Variants in ZNF248 observed in about 807,000 individuals in gnomAD.
The protein encoded by ZNF248 is zinc finger protein 248, also known as KRAB protein domain.
In ZNF248, 20 loss-of-function variants were observed where a neutral mutation model predicts 44.3. The observed-to-expected ratio is 0.45, with a 90% CI of 0.32 to 0.66. The LOEUF (loss-of-function observed/expected upper bound fraction) is 0.66. Ranked by LOEUF, ZNF248 falls within the 30% of genes least tolerant of loss-of-function variation. The pLI, the probability that ZNF248 is intolerant of heterozygous loss-of-function variation, is 0.04. For synonymous variants in ZNF248, 224 were observed against 229.0 expected (o/e 0.98, Z 0.20); for missense variants, 654 against 677.0 (o/e 0.97, Z 0.38).
At chr10:37,764,360 T>G in the ZNF248 span, among the ~76,000 whole-genome samples, 1 of 152,234 alleles carries the variant, frequency 6.6e-6, no homozygotes, top group Non-Finnish European at 1.5e-5. Flanking sequence ...CCCTGTCTCC[T>G]GATAAGATGT....
rs2053392034 is a variant in ZNF248 at position 37,821,104 on chromosome 10, A to G, written c.330+11921T>C. On this transcript the variant is annotated intron_variant, in intron 6 of 6. Coordinates refer to the ZNF248 transcript ENST00000615949. ...GGTCTACAGAGGTCCTCATGCTGCCATTGTGGAAGTCATGGTAACTTTTTA... is the reference window on the plus strand; with the variant it reads ...GGTCTACAGAGGTCCTCATGCTGCCGTTGTGGAAGTCATGGTAACTTTTTA... 7 of 558,668 alleles carry G rather than the reference A, an allele frequency of 1.3e-5. No homozygotes were observed. The East Asian group carries it at 2.1e-4, about 17-fold the overall frequency. The allele number at this position is 558,668 out of a possible 1,614,324, so 34.6% of individuals were successfully genotyped here. A position where few individuals can be genotyped will look rare whatever the true frequency, so the allele number is the denominator to read the frequency against.
At chr10:37,848,831 C>T (rs1589920918) in intron 3 of ZNF248, among the ~76,000 whole-genome samples, 2 of 152,180 alleles carry the variant, frequency 1.3e-5, no homozygotes, top group East Asian at 1.9e-4. Flanking sequence ...TTGTGGGAGA[C>T]AGTAATAGAG....
intron 3 of ZNF248, among the ~76,000 whole-genome samples, chr10:37,849,460 A>T (rs1411077335): frequency 6.6e-6 from 1 of 152,184 alleles, no homozygotes; most frequent in Non-Finnish European, 1.5e-5. Context: ...AGGCGGGCGG[A>T]TCACCTGAAG....
chr10:37,804,199 G>T (rs565090528), intron 6 of ZNF248, among the ~76,000 whole-genome samples: 1 of 142,996 alleles, frequency 7.0e-6, no homozygotes, highest in South Asian at 2.3e-4. Flanking sequence ...TCGCCTCCCC[G>T]GCTCAAGCGA....
At chr10:37,797,963 T>C (rs1238792341) in intron 6 of ZNF248, among the ~76,000 whole-genome samples, 1 of 152,130 alleles carries the variant, frequency 6.6e-6, no homozygotes, top group African/African-American at 2.4e-5. Context: ...CCTAGGTATA[T>C]ATCCAGAGAA....
At chr10:37,856,820 G>A (rs771256035) in intron 1 of ZNF248, 16 of 705,888 alleles carry the variant, frequency 2.3e-5, no homozygotes, top group Non-Finnish European at 2.8e-5. Context: ...GTGATATAGA[G>A]TAACAAAATG....
At chr10:37,794,582 G>A (rs1208706) in intron 6 of ZNF248, 9,422 of 160,564 alleles carry the variant, frequency 0.059, 355 homozygotes, top group Non-Finnish European at 0.088. Context: ...CATTCATAAG[G>A]TTTTTCCCCA....
the ZNF248 span, among the ~76,000 whole-genome samples, chr10:37,768,915 C>T: frequency 6.8e-4 from 104 of 151,960 alleles, no homozygotes; most frequent in Middle Eastern, 0.014. Flanking sequence ...ATCAAACAGA[C>T]GCAATAAAAA....
intron 6 of ZNF248, among the ~76,000 whole-genome samples, chr10:37,797,824 T>C (rs1394305065): frequency 6.6e-6 from 1 of 152,132 alleles, no homozygotes; most frequent in Non-Finnish European, 1.5e-5. Flanking sequence ...TGGTGAGATG[T>C]AGAGAAGTTA....
In ZNF248 at chr10:37,831,227, C is replaced by T; in HGVS notation, c.*388G>A. ...ATACTCAAATTTATATATTTGCATACTCACATAAGGTCTACAAACATCGGG... is the reference window on the plus strand; with the variant it reads ...ATACTCAAATTTATATATTTGCATATTCACATAAGGTCTACAAACATCGGG... On this transcript the variant is annotated 3_prime_UTR_variant, in exon 6 of 6. Coordinates refer to ENST00000395867, the MANE Select transcript of ZNF248 (RefSeq NM_021045.3). 6.5e-7 allele frequency: 1 copy of T among 1,542,884 alleles called. No individual in the cohort carries two copies. The highest frequency in any genetic ancestry group is 8.7e-7 in the Non-Finnish European group (1 of 1,143,782).
In ZNF248 at chr10:37,818,850, T is replaced by C. The variant is rs2052994928; in HGVS notation, c.330+14175A>G. The C allele has an allele frequency of 2.0e-5, 19 of 958,392 alleles. No individual in the cohort carries two copies. The South Asian group carries it at 2.4e-4, about 12-fold the overall frequency. 59.4% of individuals were successfully genotyped at this position (958,392 alleles called of 1,614,324 possible). On this transcript the variant is annotated intron_variant, in intron 6 of 6. Coordinates refer to the ZNF248 transcript ENST00000615949. ...CAGCTTTAAGAATAGTATTCTCTTGTAGGATGTCTTGCTGAGACTGGTTAT... is the reference window on the plus strand; with the variant it reads ...CAGCTTTAAGAATAGTATTCTCTTGCAGGATGTCTTGCTGAGACTGGTTAT...
intron 6 of ZNF248, among the ~76,000 whole-genome samples, chr10:37,781,314 T>C (rs1462961854): frequency 1.3e-5 from 2 of 152,136 alleles, no homozygotes; most frequent in Non-Finnish European, 2.9e-5. Context: ...CTACCTGCTG[T>C]TATAATGTAC....
rs2055281442 is a variant in ZNF248 at position 37,830,316 on chromosome 10, T to C, written c.*1299A>G. 1 of 985,372 alleles carries C rather than the reference T, an allele frequency of 1.0e-6. No individual in the cohort carries two copies. Among genetic ancestry groups the C allele is most frequent in the Non-Finnish European group, 1.2e-6 (1 of 829,922 alleles). 61.0% of individuals were successfully genotyped at this position (985,372 alleles called of 1,614,324 possible). On this transcript the variant is annotated 3_prime_UTR_variant, in exon 6 of 6. Transcript: ENST00000395867. ...TTTAACTTCTTTACTGAAGTGATAG[T>C]TCAATAATGGCCATATTCATGCATA...
chr10:37,853,950 C>A (rs2060797468), intron 3 of ZNF248, among the ~76,000 whole-genome samples: 1 of 152,148 alleles, frequency 6.6e-6, no homozygotes, highest in East Asian at 1.9e-4. Flanking sequence ...CGAAAGCCTA[C>A]CCACTCTCTA....
chr10:37,854,339 C>T (rs2060883645), intron 3 of ZNF248, among the ~76,000 whole-genome samples: 1 of 152,022 alleles, frequency 6.6e-6, no homozygotes, highest in South Asian at 2.1e-4. Flanking sequence ...TGGCTTGCAA[C>T]TCATATAATA....
intron 1 of ZNF248, 196 bp from the exon 2 acceptor site, chr10:37,856,728 G>A: frequency 8.1e-6 from 8 of 988,988 alleles, no homozygotes; most frequent in Non-Finnish European, 9.6e-6. Context: ...CTAAAAAAAG[G>A]GATAGGATGT....
chr10:37,845,306 C>T (rs536438282), intron 3 of ZNF248, among the ~76,000 whole-genome samples: 1 of 151,750 alleles, frequency 6.6e-6, no homozygotes, highest in African/African-American at 2.4e-5. Context: ...GCAAGAGCCA[C>T]CATGCTCGGC....
chr10:37,807,455 C>T (rs2050749820), intron 6 of ZNF248, among the ~76,000 whole-genome samples: 1 of 152,120 alleles, frequency 6.6e-6, no homozygotes, highest in Admixed American at 6.6e-5. Context: ...TCTACTACTG[C>T]AAAAACATCT....
intron 6 of ZNF248, among the ~76,000 whole-genome samples, chr10:37,810,677 T>G (rs1403849422): frequency 1.3e-5 from 2 of 152,202 alleles, no homozygotes; most frequent in Non-Finnish European, 2.9e-5. Flanking sequence ...CTGAAGATAC[T>G]AGTCTATTTT....
Sources: gnomAD v4.1 joint callset for allele counts (sites outside exome capture counted in the v4.1 genomes callset) on GRCh38, gnomAD v4.1.1 for gene constraint, MANE v1.5 for transcripts, NCBI Gene and HGNC (gene_info 2026-07-23, HGNC 2026-07-21) for gene names.